The following ICA1 variants were observed in gnomAD, a reference collection of about 807,000 sequenced individuals.
ICA1 encodes 69 kDa islet cell autoantigen.
In ICA1, 40 loss-of-function variants were observed where a neutral mutation model predicts 71.0. The observed-to-expected ratio is 0.56, with a 90% CI of 0.44 to 0.73. ICA1 has a LOEUF of 0.73. ICA1 is among the 30% of genes least tolerant of loss of function. ICA1 has a pLI of 0.00. For synonymous variants in ICA1, 207 were observed against 209.5 expected (o/e 0.99, Z 0.10); for missense variants, 578 against 576.5 (o/e 1.00, Z -0.03).
intron 2 of ICA1, among the ~76,000 whole-genome samples, chr7:8,233,359 G>C (rs1417268631): frequency 1.3e-5 from 2 of 151,890 alleles, no homozygotes; most frequent in African/African-American, 4.8e-5. Context: ...ATAAGCTCTA[G>C]AGATCTGCTG....
At chr7:8,235,805 C>T (rs1021113756) in intron 2 of ICA1, 105 bp downstream of exon 2, 19 of 1,206,012 alleles carry the variant, frequency 1.6e-5, no homozygotes, top group Non-Finnish European at 2.2e-5. Flanking sequence ...TAACATGATA[C>T]TTACTGCCAA....
intron 1 of ICA1, among the ~76,000 whole-genome samples, chr7:8,241,379 C>T (rs1803816071): frequency 6.6e-6 from 1 of 152,150 alleles, no homozygotes; most frequent in Non-Finnish European, 1.5e-5. Flanking sequence ...AGATTTTTGT[C>T]ACCACCAGGT....
chr7:8,138,765 A>T, intron 12 of ICA1, 75 bp downstream of exon 12: 1 of 1,200,748 alleles, frequency 8.3e-7, no homozygotes, highest in Non-Finnish European at 1.2e-6. Flanking sequence ...GATTAAGATT[A>T]CACTTTCTTA....
chr7:8,120,129 A>G (rs989522078), intron 13 of ICA1, among the ~76,000 whole-genome samples: 1 of 152,184 alleles, frequency 6.6e-6, no homozygotes, highest in African/African-American at 2.4e-5. Context: ...CGGGAACAGT[A>G]CACCTCAGAA....
At chr7:8,129,809 C>T (rs539589105) in intron 12 of ICA1, among the ~76,000 whole-genome samples, 276 of 151,654 alleles carry the variant, frequency 1.8e-3, no homozygotes, top group African/African-American at 6.3e-3. Context: ...CCCATTAACT[C>T]GTCATTTAAC....
intron 13 of ICA1, among the ~76,000 whole-genome samples, chr7:8,119,715 G>A (rs1270108471): frequency 5.3e-5 from 8 of 152,068 alleles, no homozygotes; most frequent in South Asian, 4.1e-4. Flanking sequence ...GTGTGGTGGC[G>A]GGCACCTGTA....
At chr7:8,195,272 C>A (rs904702745) in intron 6 of ICA1, among the ~76,000 whole-genome samples, 3 of 152,238 alleles carry the variant, frequency 2.0e-5, no homozygotes, top group African/African-American at 4.8e-5. Context: ...GTGGCCCACG[C>A]CTGCAATCCC....
At chr7:8,224,182 T>A (rs554107820) in intron 4 of ICA1, among the ~76,000 whole-genome samples, 1 of 152,248 alleles carries the variant, frequency 6.6e-6, no homozygotes, top group East Asian at 1.9e-4. Flanking sequence ...AGTAGGTGCC[T>A]TAGACAAGGT....
intron 6 of ICA1, among the ~76,000 whole-genome samples, chr7:8,184,186 A>G (rs1584997077): frequency 6.6e-6 from 1 of 152,232 alleles, no homozygotes; most frequent in Non-Finnish European, 1.5e-5. Flanking sequence ...GTGCCTAGTC[A>G]AACAGAAAAG....
intron 6 of ICA1, among the ~76,000 whole-genome samples, chr7:8,183,709 TAA>T (rs1562887563): frequency 6.6e-6 from 1 of 152,198 alleles, no homozygotes; most frequent in Non-Finnish European, 1.5e-5. Flanking sequence ...AAGCTTTCTT[TAA>T]AACTGTAATG....
At chr7:8,174,441 A>G (rs1394721525) in intron 6 of ICA1, among the ~76,000 whole-genome samples, 2 of 152,094 alleles carry the variant, frequency 1.3e-5, no homozygotes, top group African/African-American at 2.4e-5. Context: ...TGAGCTTTAA[A>G]TGTGCATATA....
At chr7:8,172,803 G>A (rs1477824284) in intron 6 of ICA1, among the ~76,000 whole-genome samples, 1 of 152,032 alleles carries the variant, frequency 6.6e-6, no homozygotes, top group African/African-American at 2.4e-5. Context: ...GCAATTTCTG[G>A]CACCTCTGAT....
chr7:8,219,025 G>A (rs989013967), intron 5 of ICA1: 1 of 174,558 alleles, frequency 5.7e-6, no homozygotes, highest in Admixed American at 5.4e-5. Context: ...AGGGGGACCA[G>A]CACATTTACT....
rs1238147424 is a variant in ICA1, at chr7:8,218,486, G to A, written c.398C>T (p.Pro133Leu). 5.0e-6 allele frequency: 8 copies of A among 1,613,914 alleles called. No individual in the cohort carries two copies. The African/African-American group carries it at 1.1e-4, about 22-fold the overall frequency. The change falls in exon 6 of 14, where the codon CCT (proline) becomes CTT (leucine). Residue 133 changes from proline to leucine, a missense_variant. Coordinates refer to ENST00000402384, the MANE Select transcript of ICA1 (RefSeq NM_001136020.3). ...SSQQRLALRN[P>L]LCRFHQEVET... ...CACTTCTTGGTGAAATCGACACAAA[G>A]GATTTCGTAAGGCCAACCTAGACAA... is the stretch of plus-strand genomic sequence containing the variant.
chr7:8,218,056 A>G (rs1795929179), intron 6 of ICA1, among the ~76,000 whole-genome samples: 1 of 152,248 alleles, frequency 6.6e-6, no homozygotes, highest in Non-Finnish European at 1.5e-5. Context: ...AGTGCACATT[A>G]TAAGAAAATC....
intron 4 of ICA1, among the ~76,000 whole-genome samples, chr7:8,224,392 C>T (rs1006653949): frequency 3.9e-5 from 6 of 151,980 alleles, no homozygotes; most frequent in Admixed American, 1.3e-4. Flanking sequence ...GAATGGGAGT[C>T]GGATTCCATT....
At chr7:8,253,363 T>C (rs1272249967) in intron 1 of ICA1, among the ~76,000 whole-genome samples, 2 of 152,226 alleles carry the variant, frequency 1.3e-5, no homozygotes, top group East Asian at 1.9e-4. Flanking sequence ...ACTATTTGTG[T>C]CAAATTAGAT....
At chr7:8,209,128 T>C (rs1177332690) in intron 6 of ICA1, among the ~76,000 whole-genome samples, 2 of 152,212 alleles carry the variant, frequency 1.3e-5, no homozygotes, top group Non-Finnish European at 2.9e-5. Context: ...TTCACACAGA[T>C]GAGTTCACAG....
At chr7:8,137,412 A>G (rs1793787844) in intron 12 of ICA1, among the ~76,000 whole-genome samples, 1 of 152,222 alleles carries the variant, frequency 6.6e-6, no homozygotes, top group African/African-American at 2.4e-5. Context: ...TTTACTGGTA[A>G]GACTTGTTGA....
Sources: allele counts gnomAD v4.1 joint callset (sites outside exome capture counted in the v4.1 genomes callset), GRCh38; gene constraint gnomAD v4.1.1; transcripts MANE v1.5; gene names NCBI Gene and HGNC (gene_info 2026-07-23, HGNC 2026-07-21).